Variants in ARHGAP44 observed in about 807,000 individuals in gnomAD.
ARHGAP44 encodes the protein rho GTPase-activating protein 44.
Under a neutral mutation model 106.8 loss-of-function variants are expected in ARHGAP44, and 43 were observed. The ratio of observed to expected loss-of-function variants is 0.40; its 90% CI spans 0.32 to 0.52. The LOEUF is 0.52. Among genes scored for constraint, ARHGAP44 ranks in the 20% least tolerant of loss-of-function variants. The pLI, the probability that ARHGAP44 is intolerant of heterozygous loss-of-function variation, is 0.48. For missense variants in ARHGAP44, 866 were observed against 1,050.5 expected (o/e 0.82, Z 2.43); for synonymous variants, 439 against 410.3 (o/e 1.07, Z -0.85).
chr17:12,904,020 C>G (rs6502210), intron 3 of ARHGAP44, among the ~76,000 whole-genome samples: 6 of 152,200 alleles, frequency 3.9e-5, no homozygotes, highest in Non-Finnish European at 7.4e-5. Context: ...CTTCTTCTTA[C>G]GTACTGTCTT....
Position 12,952,509 on chromosome 17 carries a change from A to C in ARHGAP44, c.1064A>C (p.Glu355Ala). Residue 355 changes from glutamate to alanine, a missense_variant, in exon 13 of 21, where the codon GAG becomes GCG. Glu to Ala is a moderately radical substitution (Grantham distance 107). Transcript: ENST00000379672. ...DEWIQASNVQ[E>A]QDKKLQALWN... ...TCCTATCAATTTCTCAGTGTCCAGG[A>C]GCAAGACAAGAAGCTTCAGGCTCTA... 6.3e-7 allele frequency: 1 copy of C among 1,577,590 alleles called. No individual in the cohort carries two copies. The highest frequency in any genetic ancestry group is 8.6e-7 in the Non-Finnish European group (1 of 1,160,848).
At chr17:12,945,403 T>A (rs1030406928) in intron 10 of ARHGAP44, among the ~76,000 whole-genome samples, 3 of 152,240 alleles carry the variant, frequency 2.0e-5, no homozygotes, top group African/African-American at 7.2e-5. Flanking sequence ...ACTATTTTAA[T>A]ATCTTTACTC....
At chr17:12,828,533 A>G (rs2034988874) in intron 1 of ARHGAP44, among the ~76,000 whole-genome samples, 1 of 151,838 alleles carries the variant, frequency 6.6e-6, no homozygotes, top group Non-Finnish European at 1.5e-5. Flanking sequence ...ACATTGAATC[A>G]TCTGGGCATT....
intron 1 of ARHGAP44, among the ~76,000 whole-genome samples, chr17:12,877,978 G>T (rs60535872): frequency 1.3e-3 from 197 of 152,254 alleles, no homozygotes; most frequent in African/African-American, 4.6e-3. Context: ...GTCAAGAGGT[G>T]CTGTAGTGAT....
chr17:12,970,811 G>A (rs780849161), intron 16 of ARHGAP44, among the ~76,000 whole-genome samples: 1 of 152,150 alleles, frequency 6.6e-6, no homozygotes, highest in Non-Finnish European at 1.5e-5. Flanking sequence ...TTGGATCCCC[G>A]ATCTGTGAAT....
At chr17:12,851,130 C>T (rs538203488) in intron 1 of ARHGAP44, among the ~76,000 whole-genome samples, 17 of 152,340 alleles carry the variant, frequency 1.1e-4, no homozygotes, top group Admixed American at 5.2e-4. Flanking sequence ...CAGCATCAGA[C>T]GTAGCAGTGT....
At chr17:12,901,693 T>C (rs2037379846) in intron 3 of ARHGAP44, among the ~76,000 whole-genome samples, 1 of 151,940 alleles carries the variant, frequency 6.6e-6, no homozygotes, top group Admixed American at 6.6e-5. Context: ...AAATGCAGGG[T>C]GAGAAGACAT....
At chr17:12,845,874 G>A (rs1597928615) in intron 1 of ARHGAP44, among the ~76,000 whole-genome samples, 1 of 152,168 alleles carries the variant, frequency 6.6e-6, no homozygotes, top group African/African-American at 2.4e-5. Flanking sequence ...AAATTTCAGT[G>A]GAATACCTAT....
rs552034844 is a variant in ARHGAP44 at position 12,851,392 on chromosome 17, C to T, written c.54-43548C>T. ...AAGGTAGGAAAGCTGTGCTTGCCGT[C>T]GAGGACCCACTGTCATCACACCCTC... is the stretch of plus-strand genomic sequence containing the variant. On this transcript the variant is annotated intron_variant, in intron 1 of 20. Transcript: ENST00000379672. Among the ~76,000 whole-genome samples the T allele has an allele frequency of 5.3e-5, 8 of 152,300 alleles. No individual in the cohort carries two copies. In the South Asian group the frequency reaches 8.3e-4, roughly 16 times the overall value.
At chr17:12,841,594 T>TCTCTCTCTCTCACACA (rs1417307080) in intron 1 of ARHGAP44, among the ~76,000 whole-genome samples, 1,720 of 126,302 alleles carry the variant, frequency 0.014, 21 homozygotes, top group East Asian at 0.05. Flanking sequence ...TGTCTCTCTC[T>TCTCTCTCTCTCACACA]CACACACACA....
chr17:12,889,967 T>G (rs942299428), intron 1 of ARHGAP44, among the ~76,000 whole-genome samples: 3 of 152,270 alleles, frequency 2.0e-5, no homozygotes, highest in African/African-American at 7.2e-5. Flanking sequence ...ACTCCATGTG[T>G]AACTTTTGAG....
intron 9 of ARHGAP44, 114 bp downstream of exon 9, chr17:12,943,783 T>C (rs1218124450): frequency 6.0e-6 from 7 of 1,157,414 alleles, no homozygotes; most frequent in South Asian, 1.3e-5. Flanking sequence ...CAGCATCACC[T>C]GTAGATGAGC....
chr17:12,833,116 G>A (rs965683298), intron 1 of ARHGAP44, among the ~76,000 whole-genome samples: 3 of 152,220 alleles, frequency 2.0e-5, no homozygotes, highest in African/African-American at 7.2e-5. Flanking sequence ...ACAGCTTAGG[G>A]TAGTCTTCGT....
intron 6 of ARHGAP44, among the ~76,000 whole-genome samples, chr17:12,924,941 T>A (rs1370967570): frequency 5.3e-5 from 8 of 152,118 alleles, no homozygotes; most frequent in Non-Finnish European, 1.0e-4. Context: ...CTAGTGTAAG[T>A]AAGACAGGAG....
chr17:12,797,249 C>A (rs2033952129), intron 1 of ARHGAP44, among the ~76,000 whole-genome samples: 1 of 152,054 alleles, frequency 6.6e-6, no homozygotes, highest in Non-Finnish European at 1.5e-5. Flanking sequence ...ATTTTTATTA[C>A]TATTTATAAT....
At chr17:12,903,838 C>T (rs2322658) in intron 3 of ARHGAP44, among the ~76,000 whole-genome samples, 33,657 of 151,854 alleles carry the variant, frequency 0.22, 4,918 homozygotes, top group East Asian at 0.44. Context: ...GAAATGGGGG[C>T]GACCAAAGTT....
At chr17:12,874,860 G>T (rs898724609) in intron 1 of ARHGAP44, among the ~76,000 whole-genome samples, 1 of 150,196 alleles carries the variant, frequency 6.7e-6, no homozygotes, top group East Asian at 2.0e-4. Flanking sequence ...TCCCACGAAG[G>T]ATTGTCTGGG....
chr17:12,928,019 T>C (rs2150964975), intron 6 of ARHGAP44, among the ~76,000 whole-genome samples: 1 of 152,338 alleles, frequency 6.6e-6, no homozygotes, highest in Middle Eastern at 3.4e-3. Flanking sequence ...ATTCAGCTAC[T>C]ACTATAGCAT....
chr17:12,935,545 G>A (rs2038520791), intron 7 of ARHGAP44, among the ~76,000 whole-genome samples: 1 of 148,238 alleles, frequency 6.7e-6, no homozygotes, highest in Non-Finnish European at 1.5e-5. Flanking sequence ...ACTCCAGCTG[G>A]GGCAACAGAG....
Sources: gnomAD v4.1 joint callset for allele counts (sites outside exome capture counted in the v4.1 genomes callset) on GRCh38, gnomAD v4.1.1 for gene constraint, MANE v1.5 for transcripts, NCBI Gene and HGNC (gene_info 2026-07-23, HGNC 2026-07-21) for gene names.